The following HYDIN variants were observed in gnomAD, a reference collection of about 807,000 sequenced individuals.
HYDIN encodes the protein axonemal central pair apparatus protein HYDIN.
HYDIN carries 132 observed loss-of-function variants against 403.9 expected under a neutral mutation model. That is an observed-to-expected ratio of 0.33 (90% CI 0.28 to 0.38). HYDIN has a LOEUF of 0.38. Ranked by LOEUF, HYDIN falls within the 10% of genes least tolerant of loss-of-function variation. The pLI is 1.00. For synonymous variants in HYDIN, 1,202 were observed against 1,891.7 expected, an observed-to-expected ratio of 0.64 and a Z score of 9.46; for missense variants, 2,827 against 5,009.5, an observed-to-expected ratio of 0.56 and a Z score of 13.15.
chr16:71,033,617 C>T (rs2144166610), intron 18 of HYDIN, among the ~76,000 whole-genome samples: 1 of 149,606 alleles, frequency 6.7e-6, no homozygotes, highest in Non-Finnish European at 1.5e-5. Context: ...CATCACACAC[C>T]AGGGCGTGTC....
intron 35 of HYDIN, among the ~76,000 whole-genome samples, chr16:70,971,626 C>T (rs1448741908): frequency 6.6e-6 from 1 of 151,956 alleles, no homozygotes; most frequent in African/African-American, 2.4e-5. Flanking sequence ...ATCTGAAGAC[C>T]TCCTATCTTA....
chr16:71,206,143 C>G (rs748795261), intron 1 of HYDIN, among the ~76,000 whole-genome samples: 2 of 152,196 alleles, frequency 1.3e-5, no homozygotes, highest in Non-Finnish European at 2.9e-5. Flanking sequence ...GTCCCATTTC[C>G]ACCTGAACTC....
chr16:70,822,319 G>T (rs1383402648), intron 83 of HYDIN, among the ~76,000 whole-genome samples: 1 of 152,134 alleles, frequency 6.6e-6, no homozygotes, highest in Non-Finnish European at 1.5e-5. Flanking sequence ...AAGAGAACTA[G>T]AATTAGAGGT....
At chr16:70,926,175 G>A (rs993669064) in intron 45 of HYDIN, among the ~76,000 whole-genome samples, 3 of 146,354 alleles carry the variant, frequency 2.0e-5, no homozygotes, top group African/African-American at 5.0e-5. Context: ...TGTTTATTGC[G>A]GCACTATTCA....
At position 71,069,347 on chromosome 16, in the gene HYDIN, T is replaced by C. The variant is rs544953885; in HGVS notation, c.1894A>G (p.Ile632Val). The C allele has an allele frequency of 9.9e-6, 16 of 1,613,994 alleles. No individual in the cohort carries two copies. Among genetic ancestry groups the C allele is most frequent in the Non-Finnish European group, 1.3e-5 (15 of 1,180,032 alleles). ...YKRPSWTKEE[I>V]SSMKPKEFTI... Reference sequence around the variant, plus strand: ...AATTCTTTTGGTTTCATTGAGGATATTTCTTCCTTGGTCCAAGATGGTCTT... The same window carrying C: ...AATTCTTTTGGTTTCATTGAGGATACTTCTTCCTTGGTCCAAGATGGTCTT... Residue 632 changes from isoleucine to valine, a missense_variant, in exon 14 of 86, where the codon ATA becomes GTA. Physicochemically the swap from Ile to Val is conservative, Grantham distance 29. Transcript: ENST00000393567.
At chr16:70,872,831 T>A in intron 64 of HYDIN, among the ~76,000 whole-genome samples, 1 of 128,586 alleles carries the variant, frequency 7.8e-6, no homozygotes, top group Middle Eastern at 5.2e-3. Flanking sequence ...TCCATCCATA[T>A]ATCCATCCAT....
intron 44 of HYDIN, among the ~76,000 whole-genome samples, chr16:70,937,863 T>A (rs11643245): frequency 9.9e-5 from 15 of 150,986 alleles, no homozygotes; most frequent in Non-Finnish European, 1.5e-5. Flanking sequence ...CCCCACCCCA[T>A]CCCTGCAATC....
chr16:71,062,222 C>T lies in HYDIN; in HGVS notation c.2323G>A (p.Glu775Lys). ...PLVLETQVTG[E>K]HRSTVYISIF... ...GAGATGTAAACCGTGGATCTGTGTTCTCCAGTGACCTGGGTCTCCAGGACC... is the reference window on the plus strand; with the variant it reads ...GAGATGTAAACCGTGGATCTGTGTTTTCCAGTGACCTGGGTCTCCAGGACC... The change falls in exon 17 of 86, where the codon GAA (glutamate) becomes AAA (lysine). Residue 775 changes from glutamate to lysine, a missense_variant. Glu to Lys is a moderately conservative substitution (Grantham distance 56). Coordinates refer to ENST00000393567, the MANE Select transcript of HYDIN (RefSeq NM_001270974.2). 1 of 1,507,112 alleles carries T rather than the reference C, an allele frequency of 6.6e-7. No individual in the cohort carries two copies. Among genetic ancestry groups the T allele is most frequent in the East Asian group, 2.3e-5 (1 of 43,466 alleles). The allele number at this position is 1,507,112 out of a possible 1,614,324, so 93.4% of individuals were successfully genotyped here.
intron 19 of HYDIN, among the ~76,000 whole-genome samples, chr16:71,029,629 TAGAC>T (rs2080834056): frequency 7.9e-6 from 1 of 127,174 alleles, no homozygotes; most frequent in Non-Finnish European, 1.6e-5. Context: ...TTACGGCCAA[TAGAC>T]AGGCAGAGAG....
In HYDIN at chr16:70,804,526, G is replaced by A. The variant is rs192300100; in HGVS notation, c.*3054C>T. On this transcript the variant is annotated 3_prime_UTR_variant, in exon 86 of 86. Transcript: ENST00000393567. ...ATGAAATCATCAGGATGTGGAAACC[G>A]CATTCTTTGGTGAATCAGCTTCTCG... Among the ~76,000 whole-genome samples the A allele has an allele frequency of 1.5e-4, 23 of 152,324 alleles. No individual in the cohort carries two copies. The highest frequency in any genetic ancestry group is 9.2e-4 in the Admixed American group (14 of 15,298).
At chr16:70,958,061 A>T in intron 39 of HYDIN, among the ~76,000 whole-genome samples, 1 of 150,314 alleles carries the variant, frequency 6.7e-6, no homozygotes, top group Non-Finnish European at 1.5e-5. Context: ...AAAGAATACA[A>T]TTCAAACAAT....
Position 71,067,313 on chromosome 16 carries a change from C to T in HYDIN, c.2052G>A (p.Val684=), listed in dbSNP as rs2082306325. 6.2e-7 allele frequency: 1 copy of T among 1,612,448 alleles called. No individual in the cohort carries two copies. Among genetic ancestry groups the T allele is most frequent in the African/African-American group, 1.3e-5 (1 of 74,746 alleles). ...ACCTTGCTGTAATTAAGAGCGCCAG[C>T]ACCTCTTCTCCGATGCCCTCCACGT... ...VVDVEGIGEE[V]LALLITARCV... The change falls in exon 15 of 86, where the codon GTG becomes GTA. Residue 684 remains valine, a synonymous_variant. Coordinates refer to ENST00000393567, the MANE Select transcript of HYDIN (RefSeq NM_001270974.2).
intron 84 of HYDIN, among the ~76,000 whole-genome samples, chr16:70,812,721 A>G (rs983984512): frequency 1.3e-5 from 2 of 152,252 alleles, no homozygotes; most frequent in Non-Finnish European, 2.9e-5. Context: ...AAGGACTTAA[A>G]TAAGTGGAGA....
chr16:70,869,846 T>A (rs1482029197), intron 65 of HYDIN, among the ~76,000 whole-genome samples: 9 of 151,916 alleles, frequency 5.9e-5, no homozygotes, highest in Non-Finnish European at 2.9e-5. Context: ...CAGGCAGAGG[T>A]TGGAACTGTT....
rs1394412528 is a variant in HYDIN at position 70,836,620 on chromosome 16, C to T, written c.13243-786G>A. 3.3e-5 allele frequency among the ~76,000 whole-genome samples: 5 copies of T among 152,216 alleles called. No individual in the cohort carries two copies. The South Asian group carries it at 8.3e-4, about 25-fold the overall frequency. ...AGGCCAAGGCCAGGCTGAGCCTGCC[C>T]TCCAAAATGGCACTGACCCACAATG... On this transcript the variant is annotated intron_variant, in intron 77 of 85. Coordinates refer to ENST00000393567, the MANE Select transcript of HYDIN (RefSeq NM_001270974.2).
intron 8 of HYDIN, among the ~76,000 whole-genome samples, chr16:71,130,515 C>G (rs1450135785): frequency 8.5e-6 from 1 of 117,238 alleles, no homozygotes; most frequent in African/African-American, 3.3e-5. Context: ...GAGTCTCGCT[C>G]TGTCGCCCAG....
At chr16:71,168,772 G>A (rs1324045027) in intron 5 of HYDIN, among the ~76,000 whole-genome samples, 1 of 152,172 alleles carries the variant, frequency 6.6e-6, no homozygotes, top group Non-Finnish European at 1.5e-5. Context: ...CTTCAACCAG[G>A]TGCCTTGGAG....
Position 70,883,917 on chromosome 16 carries a change from T to C in HYDIN, c.9979+3A>G. 4.3e-6 allele frequency: 7 copies of C among 1,613,222 alleles called. No homozygotes were observed. Among genetic ancestry groups the C allele is most frequent in the Non-Finnish European group, 5.9e-6 (7 of 1,179,928 alleles). On this transcript the variant is annotated splice_donor_region_variant and intron_variant, in intron 59 of 85. Coordinates refer to ENST00000393567, the MANE Select transcript of HYDIN (RefSeq NM_001270974.2). ...GGTGCTGTCCAATGTGAGTGGTCAG[T>C]ACCTGGTAGACAGGCTTCAGCTAGC...
chr16:71,057,635 T>A (rs1204938671), intron 18 of HYDIN, among the ~76,000 whole-genome samples: 2 of 151,912 alleles, frequency 1.3e-5, no homozygotes, highest in Non-Finnish European at 2.9e-5. Flanking sequence ...AAATTAAGAA[T>A]ACTTTCAATT....
Sources: gnomAD v4.1 joint callset for allele counts (sites outside exome capture counted in the v4.1 genomes callset) on GRCh38, gnomAD v4.1.1 for gene constraint, MANE v1.5 for transcripts, NCBI Gene and HGNC (gene_info 2026-07-23, HGNC 2026-07-21) for gene names.